The following SEMA5A variants were observed in gnomAD, a reference collection of about 807,000 sequenced individuals.
SEMA5A encodes semaphorin-5A.
A neutral mutation model predicts 135.5 loss-of-function variants in SEMA5A; 55 were observed. The observed-to-expected ratio is 0.41, with a 90% CI of 0.33 to 0.51. The LOEUF is 0.51. Among genes scored for constraint, SEMA5A ranks in the 20% least tolerant of loss-of-function variants. The pLI is 0.37. For synonymous variants in SEMA5A, 580 were observed against 546.5 expected, an observed-to-expected ratio of 1.06 and a Z score of -0.85; for missense variants, 1,290 against 1,419.9, an observed-to-expected ratio of 0.91 and a Z score of 1.47.
chr5:9,386,940 G>A (rs1002491307), intron 2 of SEMA5A, among the ~76,000 whole-genome samples: 1 of 152,222 alleles, frequency 6.6e-6, no homozygotes, highest in Non-Finnish European at 1.5e-5. Flanking sequence ...TGGTACATCT[G>A]AGACAAGAAA....
chr5:9,207,102 G>GTGTATATATATATATATATATATATA (rs1405308378), intron 8 of SEMA5A, among the ~76,000 whole-genome samples: 1 of 97,698 alleles, frequency 1.0e-5, no homozygotes, highest in African/African-American at 3.9e-5. Flanking sequence ...ATGATCAAGT[G>GTGTATATATATATATATATATATATA]TATATATATA....
At position 9,277,465 on chromosome 5, in the gene SEMA5A, G is replaced by A. The variant is rs543648779; in HGVS notation, c.271-39575C>T. ...TTTGACCCAGCAATCTCATCACTGG[G>A]TATATAGCCAAAGGATTATAAATCA... is the stretch of plus-strand genomic sequence containing the variant. On this transcript the variant is annotated intron_variant, in intron 5 of 22. Coordinates refer to ENST00000382496, the MANE Select transcript of SEMA5A (RefSeq NM_003966.3). Among the ~76,000 whole-genome samples the A allele has an allele frequency of 9.2e-5, 14 of 152,210 alleles. No individual in the cohort carries two copies. The South Asian group carries it at 1.2e-3, about 14-fold the overall frequency.
At chr5:9,274,863 C>A (rs1366283329) in intron 5 of SEMA5A, among the ~76,000 whole-genome samples, 3 of 152,032 alleles carry the variant, frequency 2.0e-5, no homozygotes, top group African/African-American at 7.2e-5. Flanking sequence ...GCACTAAATG[C>A]CCAAAAGAGA....
At chr5:9,396,194 G>T (rs1246741713) in intron 2 of SEMA5A, among the ~76,000 whole-genome samples, 1 of 151,796 alleles carries the variant, frequency 6.6e-6, no homozygotes. Flanking sequence ...GAGGCAGTTG[G>T]TTGGTATGGC....
At chr5:9,518,771 A>G (rs2126865328) in intron 1 of SEMA5A, among the ~76,000 whole-genome samples, 1 of 152,286 alleles carries the variant, frequency 6.6e-6, no homozygotes, top group East Asian at 1.9e-4. Flanking sequence ...GAAAATGACC[A>G]CTTTATTTTA....
At chr5:9,401,695 G>A (rs915608963) in intron 2 of SEMA5A, among the ~76,000 whole-genome samples, 1 of 152,144 alleles carries the variant, frequency 6.6e-6, no homozygotes, top group Non-Finnish European at 1.5e-5. Flanking sequence ...TGACCACTAG[G>A]CAAGACTCTC....
chr5:9,320,576 G>A (rs57560877), intron 4 of SEMA5A, among the ~76,000 whole-genome samples: 24,803 of 152,074 alleles, frequency 0.16, 2,323 homozygotes, highest in African/African-American at 0.25. Context: ...AAATTAGTCA[G>A]GTGGCATGGT....
At chr5:9,103,356 C>A (rs1488684977) in intron 16 of SEMA5A, among the ~76,000 whole-genome samples, 1 of 152,144 alleles carries the variant, frequency 6.6e-6, no homozygotes, top group Admixed American at 6.5e-5. Context: ...CCAATGGCCA[C>A]GTTTCATTTG....
At position 9,460,815 on chromosome 5, in the gene SEMA5A, C is replaced by A. The variant is rs568405110; in HGVS notation, c.-174-22963G>T. ...ATTTGCTATATTAAAGCCATGTATT[C>A]CCTTACTAAGAAGCACCTATGATAA... On this transcript the variant is annotated intron_variant, in intron 1 of 22. Coordinates refer to ENST00000382496, the MANE Select transcript of SEMA5A (RefSeq NM_003966.3). Among the ~76,000 whole-genome samples the A allele has an allele frequency of 5.3e-5, 8 of 152,242 alleles. No individual in the cohort carries two copies. The East Asian group carries it at 1.5e-3, about 29-fold the overall frequency.
At chr5:9,331,925 A>G (rs1285469976) in intron 4 of SEMA5A, among the ~76,000 whole-genome samples, 1 of 152,272 alleles carries the variant, frequency 6.6e-6, no homozygotes, top group Non-Finnish European at 1.5e-5. Context: ...TCAGAAATCC[A>G]TACTATTTGT....
At chr5:9,130,504 C>T (rs945657652) in intron 13 of SEMA5A, among the ~76,000 whole-genome samples, 1 of 152,152 alleles carries the variant, frequency 6.6e-6, no homozygotes, top group Admixed American at 6.5e-5. Context: ...AAGCACTGTG[C>T]AGCCTCTGAT....
chr5:9,469,414 A>G (rs1481231501), intron 1 of SEMA5A, among the ~76,000 whole-genome samples: 2 of 152,248 alleles, frequency 1.3e-5, no homozygotes, highest in African/African-American at 2.4e-5. Flanking sequence ...GAGGGCTACC[A>G]GAAAACAGAG....
chr5:9,233,091 T>C (rs1747721716), intron 6 of SEMA5A, among the ~76,000 whole-genome samples: 1 of 152,180 alleles, frequency 6.6e-6, no homozygotes, highest in Non-Finnish European at 1.5e-5. Context: ...TCCCACTAAC[T>C]AGCAAAATAA....
At chr5:9,464,217 T>C (rs1303331476) in intron 1 of SEMA5A, among the ~76,000 whole-genome samples, 1 of 152,182 alleles carries the variant, frequency 6.6e-6, no homozygotes, top group African/African-American at 2.4e-5. Flanking sequence ...CTGTGTTAGA[T>C]CCATTTAATA....
At chr5:9,227,369 A>G (rs562915525) in intron 6 of SEMA5A, among the ~76,000 whole-genome samples, 1 of 152,326 alleles carries the variant, frequency 6.6e-6, no homozygotes, top group South Asian at 2.1e-4. Flanking sequence ...AATAAATAAA[A>G]GGAACCTATT....
chr5:9,085,142 C>A (rs185046367), intron 16 of SEMA5A, among the ~76,000 whole-genome samples: 1 of 152,046 alleles, frequency 6.6e-6, no homozygotes. Context: ...AAAAGCATTC[C>A]GTTTTATAAG....
intron 1 of SEMA5A, among the ~76,000 whole-genome samples, chr5:9,471,188 A>G (rs1007536709): frequency 1.3e-5 from 2 of 152,082 alleles, no homozygotes; most frequent in Non-Finnish European, 2.9e-5. Flanking sequence ...CGTATATCAC[A>G]CACCTAAGTC....
In SEMA5A at chr5:9,545,234, GC is replaced by G. The variant is rs1475942181; in HGVS notation, c.-175+349del. ...GTGCGAGCCTGGAGGCGCGCCGGGG[GC>G]GGGCACAGACCAGTGTGCGCACCTT... On this transcript the variant is annotated intron_variant, in intron 1 of 22. Transcript: ENST00000382496. This position sits in a 1 kb window ranked among gnomAD's most constrained non-coding sequence, Gnocchi z 4.5. Among the ~76,000 whole-genome samples the G allele has an allele frequency of 2.0e-5, 3 of 152,138 alleles. No homozygotes were observed. Among genetic ancestry groups the G allele is most frequent in the Non-Finnish European group, 2.9e-5 (2 of 68,020 alleles).
chr5:9,281,196 C>T (rs1750523920), intron 5 of SEMA5A, among the ~76,000 whole-genome samples: 1 of 152,174 alleles, frequency 6.6e-6, no homozygotes, highest in African/African-American at 2.4e-5. Flanking sequence ...TGTATCTTTA[C>T]TTCTATAGGA....
Sources: allele counts gnomAD v4.1 joint callset (sites outside exome capture counted in the v4.1 genomes callset), GRCh38; gene constraint gnomAD v4.1.1; non-coding constraint Gnocchi (gnomAD v3.1); transcripts MANE v1.5; gene names NCBI Gene and HGNC (gene_info 2026-07-23, HGNC 2026-07-21).